CLEC2B: variants seen among roughly 807,000 people sequenced by gnomAD.
CLEC2B encodes the protein C-type lectin domain family 2 member B.
CLEC2B carries 14 observed loss-of-function variants against 16.2 expected under a neutral mutation model. That is an observed-to-expected ratio of 0.86 (90% confidence interval 0.57 to 1.35). The LOEUF is 1.35. Among genes scored for constraint, CLEC2B ranks in the 40% most tolerant of loss-of-function variants. The pLI, the probability that CLEC2B is intolerant of heterozygous loss-of-function variation, is 0.00. For missense variants in CLEC2B, 166 were observed against 182.3 expected, an observed-to-expected ratio of 0.91 and a Z score of 0.52; for synonymous variants, 42 against 55.8, an observed-to-expected ratio of 0.75 and a Z score of 1.10.
intron 3 of CLEC2B, chr12:9,857,107 T>C: frequency 5.9e-6 from 1 of 169,132 alleles, no homozygotes; most frequent in Non-Finnish European, 1.3e-5. Context: ...CAAAACAAAA[T>C]GGAGAAGTCA....
At position 9,863,039 on chromosome 12, in the gene CLEC2B, T is replaced by C. The variant is rs76128160; in HGVS notation, c.-2-466A>G. Among the ~76,000 whole-genome samples, 1,479 of 152,198 alleles carry C rather than the reference T, an allele frequency of 9.7e-3. 22 individuals are homozygous for C. The highest frequency in any genetic ancestry group is 0.034 in the African/African-American group (1,400 of 41,514). On this transcript the variant is annotated intron_variant, in intron 1 of 4. Transcript: ENST00000228438. ...CCATCCCCAATACCAGAAACTGTGC[T>C]CTGTTACTTGGCCAAAGGAGATGTC...
chr12:9,858,956 C>G (rs1333199387), intron 2 of CLEC2B, among the ~76,000 whole-genome samples: 3 of 152,044 alleles, frequency 2.0e-5, no homozygotes. Flanking sequence ...TCCTAAACTA[C>G]TGTCATCTGA....
At chr12:9,854,635 A>G (rs1255322286) in intron 3 of CLEC2B, 151 bp from the exon 4 acceptor site, 1 of 529,990 alleles carries the variant, frequency 1.9e-6, no homozygotes, top group African/African-American at 2.0e-5. Context: ...TTGAAAAAGT[A>G]CTTTATTTTT....
At chr12:9,866,705 ATT>A (rs1867972515) in intron 1 of CLEC2B, among the ~76,000 whole-genome samples, 1 of 152,132 alleles carries the variant, frequency 6.6e-6, no homozygotes, top group Non-Finnish European at 1.5e-5. Context: ...CCATTTTGAT[ATT>A]CTTTCTTCCA....
chr12:9,862,261 G>C (rs1181318859), intron 2 of CLEC2B, among the ~76,000 whole-genome samples: 1 of 152,034 alleles, frequency 6.6e-6, no homozygotes, highest in Non-Finnish European at 1.5e-5. Flanking sequence ...ACATAGGCAA[G>C]AAAGTGTTGA....
intron 1 of CLEC2B, among the ~76,000 whole-genome samples, chr12:9,868,437 C>G (rs1444017450): frequency 6.6e-6 from 1 of 152,044 alleles, no homozygotes; most frequent in Admixed American, 6.6e-5. Context: ...CCGTAGCATA[C>G]GCTGGTAGGT....
intron 1 of CLEC2B, among the ~76,000 whole-genome samples, chr12:9,868,513 C>T (rs559006493): frequency 3.3e-5 from 5 of 151,982 alleles, no homozygotes; most frequent in Non-Finnish European, 7.4e-5. Context: ...AATCATAGAT[C>T]GTTGTATTGA....
In CLEC2B at chr12:9,864,982, A is replaced by C. The variant is rs1234073258; in HGVS notation, c.-2-2409T>G. ...CAGATCATTTGAGGTCAGGAGCTCAAGACTAGCCTGTCCAACATAACGAAA... is the reference window on the plus strand; with the variant it reads ...CAGATCATTTGAGGTCAGGAGCTCACGACTAGCCTGTCCAACATAACGAAA... On this transcript the variant is annotated intron_variant, in intron 1 of 4. Transcript: ENST00000228438. Among the ~76,000 whole-genome samples the C allele has an allele frequency of 2.6e-5, 4 of 152,276 alleles. 1 individual carries two copies. In the East Asian group the frequency reaches 7.7e-4, roughly 29 times the overall value.
intron 3 of CLEC2B, among the ~76,000 whole-genome samples, chr12:9,856,199 T>C (rs920261193): frequency 2.0e-5 from 3 of 152,124 alleles, no homozygotes; most frequent in Admixed American, 2.0e-4. Context: ...AGTGGACACA[T>C]TTATTTTAAT....
At chr12:9,865,248 T>A (rs1025598781) in intron 1 of CLEC2B, among the ~76,000 whole-genome samples, 10 of 149,352 alleles carry the variant, frequency 6.7e-5, no homozygotes, top group African/African-American at 2.5e-4. Context: ...ACCCTAACTG[T>A]ATGCAGCCTA....
At chr12:9,855,865 A>G (rs1396145540) in intron 3 of CLEC2B, among the ~76,000 whole-genome samples, 1 of 152,170 alleles carries the variant, frequency 6.6e-6, no homozygotes, top group Non-Finnish European at 1.5e-5. Context: ...TAAAATGCAC[A>G]TTTAAATTAA....
chr12:9,864,195 A>G (rs990804699), intron 1 of CLEC2B, among the ~76,000 whole-genome samples: 1 of 151,146 alleles, frequency 6.6e-6, no homozygotes, highest in African/African-American at 2.4e-5. Context: ...ATCTAAGAAT[A>G]CCATATCCTG....
intron 1 of CLEC2B, among the ~76,000 whole-genome samples, chr12:9,862,854 A>G (rs1867942759): frequency 6.6e-6 from 1 of 152,158 alleles, no homozygotes; most frequent in African/African-American, 2.4e-5. Flanking sequence ...AGGGCATGGA[A>G]ACATCATTTC....
intron 1 of CLEC2B, among the ~76,000 whole-genome samples, chr12:9,864,028 A>G (rs1867952318): frequency 6.6e-6 from 1 of 152,110 alleles, no homozygotes; most frequent in Non-Finnish European, 1.5e-5. Flanking sequence ...AAGGTCAAGG[A>G]AAAAGAGAGG....
intron 1 of CLEC2B, among the ~76,000 whole-genome samples, chr12:9,864,690 A>G (rs1385904664): frequency 6.6e-6 from 1 of 152,306 alleles, no homozygotes; most frequent in East Asian, 1.9e-4. Context: ...CAAAACCTAT[A>G]GTAGAGTCAT....
intron 1 of CLEC2B, among the ~76,000 whole-genome samples, chr12:9,863,730 G>C (rs775684133): frequency 3.3e-5 from 5 of 152,110 alleles, no homozygotes; most frequent in Non-Finnish European, 5.9e-5. Flanking sequence ...GCATGAGGAT[G>C]GGCTTTTGAA....
rs1275215112 is a variant in CLEC2B, at chr12:9,854,651, G to T, written c.238-167C>A. ...TGAAAAAGTACTTTATTTTTCCTCT[G>T]ACCTTCAGTTTTTTTTGTGAAACAA... On this transcript the variant is annotated intron_variant, in intron 3 of 4. Coordinates refer to ENST00000228438, the MANE Select transcript of CLEC2B (RefSeq NM_005127.3). 8 of 515,094 alleles carry T rather than the reference G, an allele frequency of 1.6e-5. No homozygotes were observed. In the Admixed American group the frequency reaches 1.9e-4, roughly 12 times the overall value. The allele number at this position is 515,094 out of a possible 1,614,324, so 31.9% of individuals were successfully genotyped here.
At chr12:9,866,896 T>C (rs1016747911) in intron 1 of CLEC2B, 3 of 152,140 alleles carry the variant, frequency 2.0e-5, no homozygotes, top group Non-Finnish European at 4.4e-5. Flanking sequence ...ATATGAGAAA[T>C]GACAATTTGC....
chr12:9,860,072 A>T (rs1247856566), intron 2 of CLEC2B, among the ~76,000 whole-genome samples: 1 of 151,670 alleles, frequency 6.6e-6, no homozygotes, highest in Non-Finnish European at 1.5e-5. Context: ...TATTAAAAAA[A>T]TTTTACTGAT....
Sources: gnomAD v4.1 joint callset for allele counts (sites outside exome capture counted in the v4.1 genomes callset) on GRCh38, gnomAD v4.1.1 for gene constraint, MANE v1.5 for transcripts, NCBI Gene and HGNC (gene_info 2026-07-23, HGNC 2026-07-21) for gene names.